Variants in SGCZ observed in about 807,000 individuals in gnomAD.
The protein encoded by SGCZ is sarcoglycan zeta.
Under a neutral mutation model 41.3 loss-of-function variants are expected in SGCZ, and 40 were observed. The observed-to-expected ratio is 0.97, with a 90% CI of 0.75 to 1.26. The LOEUF (loss-of-function observed/expected upper bound fraction) is 1.26, where lower values mean the gene tolerates loss of function less well. Ranked by LOEUF, SGCZ falls within the 50% of genes most tolerant of loss-of-function variation. SGCZ has a pLI of 0.00. For missense variants in SGCZ, 552 were observed against 369.8 expected (o/e 1.49, Z -4.04); for synonymous variants, 206 against 137.5 (o/e 1.50, Z -3.49).
At chr8:15,078,150 T>C (rs892867204) in intron 1 of SGCZ, among the ~76,000 whole-genome samples, 12 of 112,680 alleles carry the variant, frequency 1.1e-4, no homozygotes, top group East Asian at 2.1e-4. Flanking sequence ...AACTCTTCTT[T>C]TTTTTTTTTT....
intron 1 of SGCZ, among the ~76,000 whole-genome samples, chr8:14,749,210 T>C (rs943592706): frequency 2.0e-5 from 3 of 152,208 alleles, no homozygotes; most frequent in Non-Finnish European, 2.9e-5. Flanking sequence ...TTATTATTTT[T>C]ATTTGATTTA....
chr8:15,224,994 TAAACA>T (rs1321415321), intron 1 of SGCZ, among the ~76,000 whole-genome samples: 2 of 152,146 alleles, frequency 1.3e-5, no homozygotes, highest in Admixed American at 6.5e-5. Context: ...ATGCAGTATC[TAAACA>T]AAATTTTAAC....
At chr8:14,331,265 C>T (rs941085563) in intron 2 of SGCZ, among the ~76,000 whole-genome samples, 5 of 151,852 alleles carry the variant, frequency 3.3e-5, no homozygotes, top group Admixed American at 3.3e-4. Flanking sequence ...CTTCATTTTG[C>T]TATTAATTTT....
chr8:14,354,546 T>C (rs1455988765), intron 2 of SGCZ, among the ~76,000 whole-genome samples: 8 of 151,694 alleles, frequency 5.3e-5, no homozygotes, highest in Non-Finnish European at 1.0e-4. Context: ...ATATATAGTA[T>C]ACTAATATTG....
intron 2 of SGCZ, among the ~76,000 whole-genome samples, chr8:14,477,110 A>G (rs1801383852): frequency 6.6e-6 from 1 of 152,134 alleles, no homozygotes; most frequent in African/African-American, 2.4e-5. Context: ...CTTCCTTTCA[A>G]ATTCACTCTA....
intron 1 of SGCZ, among the ~76,000 whole-genome samples, chr8:14,572,746 T>C (rs1804592893): frequency 6.6e-6 from 1 of 152,114 alleles, no homozygotes; most frequent in African/African-American, 2.4e-5. Context: ...TCTCTTTTAG[T>C]AATGAACAAG....
intron 2 of SGCZ, among the ~76,000 whole-genome samples, chr8:14,553,512 G>GA (rs1011752725): frequency 1.4e-5 from 2 of 146,266 alleles, no homozygotes; most frequent in Admixed American, 6.8e-5. Context: ...TAATTTATTG[G>GA]AAAAAAAATG....
intron 1 of SGCZ, among the ~76,000 whole-genome samples, chr8:14,994,679 C>T (rs528177423): frequency 2.6e-5 from 4 of 151,910 alleles, no homozygotes; most frequent in African/African-American, 7.2e-5. Flanking sequence ...TGTATACTCA[C>T]TACATTCACA....
intron 2 of SGCZ, among the ~76,000 whole-genome samples, chr8:14,367,272 C>G (rs1036979952): frequency 2.0e-5 from 3 of 152,028 alleles, no homozygotes; most frequent in African/African-American, 7.2e-5. Context: ...ATTCATTATC[C>G]ATATCACTAT....
In SGCZ at chr8:14,791,711, T is replaced by A. The variant is rs531526189; in HGVS notation, c.40-236785A>T. On this transcript the variant is annotated intron_variant, in intron 1 of 7. Coordinates refer to ENST00000382080, the MANE Select transcript of SGCZ (RefSeq NM_139167.4). The stretch of plus-strand genomic sequence containing the variant: ...CACAGCAACCCAGGAGAATATTATG[T>A]GCATTATTGCTCTGTAGTTCTGATC... 8.4e-4 allele frequency among the ~76,000 whole-genome samples: 128 copies of A among 152,322 alleles called. 2 individuals carry two copies. The highest frequency in any genetic ancestry group is 5.8e-3 in the Admixed American group (89 of 15,292).
At chr8:14,473,622 C>G (rs1801272236) in intron 2 of SGCZ, among the ~76,000 whole-genome samples, 1 of 151,858 alleles carries the variant, frequency 6.6e-6, no homozygotes, top group South Asian at 2.1e-4. Context: ...GAACTGAAAT[C>G]TTATATGTCA....
At chr8:14,988,093 G>C (rs2130889522) in intron 1 of SGCZ, among the ~76,000 whole-genome samples, 1 of 152,066 alleles carries the variant, frequency 6.6e-6, no homozygotes, top group East Asian at 1.9e-4. Flanking sequence ...AAGTTTTCCA[G>C]GAGTGAAATG....
chr8:14,677,168 T>C (rs1006523102), intron 1 of SGCZ, among the ~76,000 whole-genome samples: 10 of 151,756 alleles, frequency 6.6e-5, no homozygotes, highest in Admixed American at 5.9e-4. Flanking sequence ...ATGCCAGCAA[T>C]GAGAAAGTGG....
chr8:14,429,691 C>T (rs146129695), intron 2 of SGCZ, among the ~76,000 whole-genome samples: 3 of 152,158 alleles, frequency 2.0e-5, no homozygotes, highest in South Asian at 4.1e-4. Context: ...CGTGGCTAAT[C>T]GTCCTTAGAA....
chr8:14,337,233 T>A (rs1054287009), intron 2 of SGCZ, among the ~76,000 whole-genome samples: 2 of 152,160 alleles, frequency 1.3e-5, no homozygotes, highest in Non-Finnish European at 2.9e-5. Flanking sequence ...TTGTCTATCT[T>A]TATTCACCTG....
intron 1 of SGCZ, among the ~76,000 whole-genome samples, chr8:15,098,117 C>A (rs1433317410): frequency 6.6e-6 from 1 of 151,020 alleles, no homozygotes; most frequent in Non-Finnish European, 1.5e-5. Flanking sequence ...GTAGAAGTAA[C>A]AGCCCCACAT....
intron 1 of SGCZ, among the ~76,000 whole-genome samples, chr8:15,167,596 G>A (rs1033235476): frequency 6.6e-6 from 1 of 152,050 alleles, no homozygotes; most frequent in Admixed American, 6.5e-5. Flanking sequence ...TATTCTTTCT[G>A]CGCTTTATGC....
intron 1 of SGCZ, among the ~76,000 whole-genome samples, chr8:14,675,763 T>C (rs539690932): frequency 2.6e-5 from 4 of 152,152 alleles, no homozygotes; most frequent in Admixed American, 2.0e-4. Context: ...TCAGGGAAAA[T>C]GGAAACAAAT....
At chr8:14,383,782 G>C (rs1484274596) in intron 2 of SGCZ, among the ~76,000 whole-genome samples, 1 of 152,112 alleles carries the variant, frequency 6.6e-6, no homozygotes, top group Non-Finnish European at 1.5e-5. Flanking sequence ...TAAGATCAGG[G>C]ACTGTACAGT....
Sources: allele counts gnomAD v4.1 joint callset (sites outside exome capture counted in the v4.1 genomes callset), GRCh38; gene constraint gnomAD v4.1.1; transcripts MANE v1.5; gene names NCBI Gene and HGNC (gene_info 2026-07-23, HGNC 2026-07-21).